N4BP2: variants seen among roughly 807,000 people sequenced by gnomAD.
N4BP2 encodes NEDD4-binding protein 2.
A neutral mutation model predicts 152.8 loss-of-function variants in N4BP2; 91 were observed. The observed-to-expected ratio is 0.60, with a 90% CI of 0.50 to 0.71. The LOEUF is 0.71. Among genes scored for constraint, N4BP2 ranks in the 30% least tolerant of loss-of-function variants. The pLI, the probability that N4BP2 is intolerant of heterozygous loss-of-function variation, is 0.00. For synonymous variants in N4BP2, 646 were observed against 705.3 expected (o/e 0.92, Z 1.33); for missense variants, 1,923 against 2,059.1 (o/e 0.93, Z 1.28).
At chr4:40,147,629 G>A (rs190372072) in intron 16 of N4BP2, among the ~76,000 whole-genome samples, 11,902 of 149,314 alleles carry the variant, frequency 0.08, 866 homozygotes, top group East Asian at 0.4. Flanking sequence ...CTGGCCGGGC[G>A]GGGGCTGACC....
the N4BP2 span, among the ~76,000 whole-genome samples, chr4:40,170,516 A>C: frequency 6.6e-6 from 1 of 152,152 alleles, no homozygotes; most frequent in East Asian, 1.9e-4. Flanking sequence ...GCGCCACCAC[A>C]GTCCCACTCT....
At chr4:40,059,046 C>G (rs1044790675) in intron 1 of N4BP2, among the ~76,000 whole-genome samples, 4 of 151,966 alleles carry the variant, frequency 2.6e-5, no homozygotes, top group African/African-American at 9.7e-5. Context: ...GTCTCAAACC[C>G]CTGAGCTCAA....
In N4BP2 at chr4:40,120,912, G is replaced by C; in HGVS notation, c.2801G>C (p.Ser934Thr). The C allele has an allele frequency of 1.2e-6, 2 of 1,614,096 alleles. No homozygotes were observed. The highest frequency in any genetic ancestry group is 1.7e-6 in the Non-Finnish European group (2 of 1,180,004). The change falls in exon 9 of 18, where the codon AGC becomes ACC. Residue 934 changes from serine to threonine, a missense_variant. Physicochemically the swap from Ser to Thr is moderately conservative, Grantham distance 58. Transcript: ENST00000261435. ...GCACATGAGGCCTGTTGGGGCACAA[G>C]CTCTCAAAAACTAAAGACATTGGGT... Reference protein sequence around the residue: ...STAHEACWGTSSQKLKTLGSS... With the variant: ...STAHEACWGTTSQKLKTLGSS...
At chr4:40,093,375 A>G (rs1240025999) in intron 2 of N4BP2, among the ~76,000 whole-genome samples, 2 of 151,956 alleles carry the variant, frequency 1.3e-5, no homozygotes, top group South Asian at 2.1e-4. Context: ...ATTTAGTGCT[A>G]TAGATTTTCC....
At chr4:40,116,748 T>C (rs1717375598) in intron 7 of N4BP2, among the ~76,000 whole-genome samples, 1 of 152,200 alleles carries the variant, frequency 6.6e-6, no homozygotes, top group Non-Finnish European at 1.5e-5. Flanking sequence ...GAGAATTTTC[T>C]TTATAGTAAG....
chr4:40,062,411 T>C (rs1232370959), intron 1 of N4BP2, among the ~76,000 whole-genome samples: 1 of 152,160 alleles, frequency 6.6e-6, no homozygotes, highest in Non-Finnish European at 1.5e-5. Flanking sequence ...CTCACCTGGG[T>C]TGTTGCACGA....
At chr4:40,179,091 G>A in the N4BP2 span, among the ~76,000 whole-genome samples, 352 of 152,200 alleles carry the variant, frequency 2.3e-3, no homozygotes, top group African/African-American at 8.2e-3. Context: ...TTTGGAGGCT[G>A]GGCGCAGCAG....
Sources: gnomAD v4.1 joint callset for allele counts (sites outside exome capture counted in the v4.1 genomes callset) on GRCh38, gnomAD v4.1.1 for gene constraint, MANE v1.5 for transcripts, NCBI Gene and HGNC (gene_info 2026-07-23, HGNC 2026-07-21) for gene names.